PTPRN2: variants seen among roughly 807,000 people sequenced by gnomAD.
PTPRN2 encodes the protein protein tyrosine phosphatase receptor type N2, also known as receptor-type tyrosine-protein phosphatase N2.
A neutral mutation model predicts 118.8 loss-of-function variants in PTPRN2; 74 were observed. That is an observed-to-expected ratio of 0.62 (90% confidence interval 0.52 to 0.76). The LOEUF is 0.76. Ranked by LOEUF, PTPRN2 falls within the 30% of genes least tolerant of loss-of-function variation. PTPRN2 has a pLI of 0.00. For missense variants in PTPRN2, 1,481 were observed against 1,394.4 expected, an observed-to-expected ratio of 1.06 and a Z score of -0.99; for synonymous variants, 641 against 608.0, an observed-to-expected ratio of 1.05 and a Z score of -0.80.
intron 2 of PTPRN2, among the ~76,000 whole-genome samples, chr7:158,334,462 CATA>C (rs2151181408): frequency 1.1e-4 from 2 of 17,504 alleles, no homozygotes; most frequent in South Asian, 2.6e-3. Flanking sequence ...AGGTGACGCC[CATA>C]GACGTCACTC....
chr7:158,315,637 G>A (rs1272787602), intron 3 of PTPRN2, among the ~76,000 whole-genome samples: 1 of 152,262 alleles, frequency 6.6e-6, no homozygotes, highest in Non-Finnish European at 1.5e-5. Flanking sequence ...CCTGGAAGGA[G>A]AAACGGCCAG....
At chr7:158,532,617 C>T (rs1429357104) in intron 1 of PTPRN2, 2 of 379,944 alleles carry the variant, frequency 5.3e-6, no homozygotes, top group South Asian at 4.1e-5. Context: ...TAAGAAAAGA[C>T]CAAAAACGTC....
intron 7 of PTPRN2, 121 bp from the exon 8 acceptor site, chr7:158,136,816 G>T: frequency 1.1e-6 from 1 of 892,778 alleles, no homozygotes; most frequent in Non-Finnish European, 1.8e-6. Flanking sequence ...GATGACGCTG[G>T]CCTAAGTCCT....
chr7:157,848,819 T>C (rs1262145937), intron 12 of PTPRN2, among the ~76,000 whole-genome samples: 1 of 152,240 alleles, frequency 6.6e-6, no homozygotes, highest in African/African-American at 2.4e-5. Context: ...CCCACGGCTA[T>C]AGTGGTGCAG....
At chr7:158,461,179 T>C (rs920874479) in intron 2 of PTPRN2, among the ~76,000 whole-genome samples, 2 of 152,196 alleles carry the variant, frequency 1.3e-5, no homozygotes, top group African/African-American at 4.8e-5. Context: ...CATTTTTTTC[T>C]TGGTTCTATG....
Position 157,912,327 on chromosome 7 carries a change from A to G in PTPRN2, c.1724-13590T>C, listed in dbSNP as rs1259336238. Among the ~76,000 whole-genome samples the G allele has an allele frequency of 2.6e-5, 4 of 152,236 alleles. No homozygotes were observed. The East Asian group carries it at 7.7e-4, about 29-fold the overall frequency. On this transcript the variant is annotated intron_variant, in intron 11 of 22. Transcript: ENST00000389418. ...ATTCATCATTCATGCTTCCTCTTAC[A>G]TGAAATTTTTGTTTTGCCCATTTTT...
Position 157,880,072 on chromosome 7 carries a change from T to A in PTPRN2, c.1788+18601A>T, listed in dbSNP as rs558657856. Reference sequence around the variant, plus strand: ...TATTGTCTGGTTGAAAATGACAGCTTCCGCTTATTCATGTGTTAACGAGGG... The same window carrying A: ...TATTGTCTGGTTGAAAATGACAGCTACCGCTTATTCATGTGTTAACGAGGG... On this transcript the variant is annotated intron_variant, in intron 12 of 22. Coordinates refer to ENST00000389418, the MANE Select transcript of PTPRN2 (RefSeq NM_002847.5). Among the ~76,000 whole-genome samples, 284 of 152,350 alleles carry A rather than the reference T, an allele frequency of 1.9e-3. 1 individual carries two copies. Among genetic ancestry groups the A allele is most frequent in the African/African-American group, 6.2e-3 (259 of 41,582 alleles).
intron 5 of PTPRN2, among the ~76,000 whole-genome samples, chr7:158,181,988 T>C (rs1442668199): frequency 6.6e-6 from 1 of 152,176 alleles, no homozygotes; most frequent in African/African-American, 2.4e-5. Context: ...TCTAGTTACT[T>C]GATGTGTGAC....
At chr7:158,097,322 G>A (rs1255209773) in intron 10 of PTPRN2, among the ~76,000 whole-genome samples, 1 of 152,120 alleles carries the variant, frequency 6.6e-6, no homozygotes, top group African/African-American at 2.4e-5. Context: ...CCCGTGCACA[G>A]AGAAGACCCC....
At chr7:157,580,561 C>T (rs1297807336) in intron 17 of PTPRN2, among the ~76,000 whole-genome samples, 6 of 141,464 alleles carry the variant, frequency 4.2e-5, no homozygotes, top group African/African-American at 1.3e-4. Context: ...CACATCTGAG[C>T]ACCTGCACAT....
chr7:158,125,363 T>C lies in PTPRN2; in HGVS notation c.1556+8314A>G, dbSNP rs993392324. On this transcript the variant is annotated intron_variant, in intron 9 of 22. Coordinates refer to ENST00000389418, the MANE Select transcript of PTPRN2 (RefSeq NM_002847.5). ...TCCCACAGCCGCCCCCTGCCTCGCG[T>C]CCCTCCCACGGCCACCCCCCTGCCT... Among the ~76,000 whole-genome samples the C allele has an allele frequency of 9.5e-5, 14 of 147,652 alleles. No individual in the cohort carries two copies. The South Asian group carries it at 2.8e-3, about 30-fold the overall frequency.
chr7:158,174,558 G>A (rs964469535), intron 5 of PTPRN2, among the ~76,000 whole-genome samples: 9 of 152,100 alleles, frequency 5.9e-5, no homozygotes, highest in South Asian at 2.1e-4. Context: ...TGTCACCCCC[G>A]CCATCAGCAT....
chr7:157,877,558 C>T (rs1795853435), intron 12 of PTPRN2, among the ~76,000 whole-genome samples: 2 of 152,096 alleles, frequency 1.3e-5, no homozygotes, highest in Admixed American at 6.5e-5. Context: ...AGTGCCCTAC[C>T]CAGGGTTTCC....
At chr7:158,278,347 C>CA (rs34662497) in intron 3 of PTPRN2, among the ~76,000 whole-genome samples, 3,934 of 144,614 alleles carry the variant, frequency 0.027, 181 homozygotes, top group African/African-American at 0.095. Flanking sequence ...TACTAAAATA[C>CA]AAAAAAAAAA....
At chr7:157,574,293 A>G (rs763924818) in intron 19 of PTPRN2, 13 of 482,148 alleles carry the variant, frequency 2.7e-5, no homozygotes, top group South Asian at 2.0e-4. Flanking sequence ...AGGTCGTTAG[A>G]GGCTCAGAAA....
intron 14 of PTPRN2, among the ~76,000 whole-genome samples, chr7:157,651,466 T>C (rs1261247545): frequency 6.6e-6 from 1 of 152,224 alleles, no homozygotes; most frequent in Non-Finnish European, 1.5e-5. Context: ...TGGAGAAGTA[T>C]GAAGCCAACT....
At chr7:158,582,580 T>C (rs1828686555) in intron 1 of PTPRN2, among the ~76,000 whole-genome samples, 1 of 151,996 alleles carries the variant, frequency 6.6e-6, no homozygotes, top group Non-Finnish European at 1.5e-5. Context: ...TCATTTTTAA[T>C]ATTTTTTGTT....
At chr7:158,334,628 C>T (rs1805226453) in intron 2 of PTPRN2, among the ~76,000 whole-genome samples, 2 of 103,770 alleles carry the variant, frequency 1.9e-5, no homozygotes, top group East Asian at 3.1e-4. Flanking sequence ...CCGCAGACGT[C>T]ACTCACACCC....
At chr7:158,047,982 G>T (rs1469118916) in intron 11 of PTPRN2, among the ~76,000 whole-genome samples, 1 of 152,164 alleles carries the variant, frequency 6.6e-6, no homozygotes, top group Non-Finnish European at 1.5e-5. Flanking sequence ...TCAGGCATGA[G>T]GCAGGAAGAG....
Sources: gnomAD v4.1 joint callset for allele counts (sites outside exome capture counted in the v4.1 genomes callset) on GRCh38, gnomAD v4.1.1 for gene constraint, MANE v1.5 for transcripts, NCBI Gene and HGNC (gene_info 2026-07-23, HGNC 2026-07-21) for gene names.